The following AMACR variants were observed in gnomAD, a reference collection of about 807,000 sequenced individuals.
AMACR encodes 2-methylacyl-CoA racemase.
Under a neutral mutation model 22.2 loss-of-function variants are expected in AMACR, and 18 were observed. The ratio of observed to expected loss-of-function variants is 0.81; its 90% CI spans 0.56 to 1.20. The LOEUF (loss-of-function observed/expected upper bound fraction) is 1.20. Ranked by LOEUF, AMACR falls within the 50% of genes most tolerant of loss-of-function variation. AMACR has a pLI of 0.00. For missense variants in AMACR, 499 were observed against 490.6 expected (o/e 1.02, Z -0.16); for synonymous variants, 213 against 191.3 (o/e 1.11, Z -0.94).
At chr5:33,990,571 C>T (rs1753443875) in intron 4 of AMACR, among the ~76,000 whole-genome samples, 1 of 152,196 alleles carries the variant, frequency 6.6e-6, no homozygotes, top group Non-Finnish European at 1.5e-5. Context: ...TTTTTCTTCC[C>T]CATATAAGCG....
chr5:33,999,922 A>G (rs1352988538), intron 3 of AMACR, among the ~76,000 whole-genome samples: 4 of 152,112 alleles, frequency 2.6e-5, no homozygotes, highest in Admixed American at 2.6e-4. Flanking sequence ...TTATACACAT[A>G]CACACACACA....
In AMACR at chr5:33,987,698, T is replaced by C. The variant is rs1427959436; in HGVS notation, c.*1395A>G. 1 of 152,226 alleles carries C rather than the reference T, an allele frequency of 6.6e-6. No homozygotes were observed. Among genetic ancestry groups the C allele is most frequent in the African/African-American group, 2.4e-5 (1 of 41,450 alleles). 9.4% of individuals were successfully genotyped at this position (152,226 alleles called of 1,614,324 possible). A position where few individuals can be genotyped will look rare whatever the true frequency, so the allele number is the denominator to read the frequency against. On this transcript the variant is annotated 3_prime_UTR_variant, in exon 5 of 5. Transcript: ENST00000335606. ...ATGAGGGCAGCAGTGTCCAATCTCA[T>C]TCCAGGTGAGAAGTTGCACAGTGTC...
At chr5:33,997,318 G>A (rs199754134) in intron 4 of AMACR, 121 of 774,056 alleles carry the variant, frequency 1.6e-4, no homozygotes, top group South Asian at 1.5e-3. Flanking sequence ...AGCAGCCTGA[G>A]TGTAACATAA....
At chr5:34,000,099 T>G (rs1035813156) in intron 3 of AMACR, among the ~76,000 whole-genome samples, 1 of 152,242 alleles carries the variant, frequency 6.6e-6, no homozygotes, top group African/African-American at 2.4e-5. Flanking sequence ...CCTTCCAATT[T>G]TGCATAAATA....
intron 2 of AMACR, 28 bp from the exon 3 acceptor site, chr5:34,004,762 C>A (rs1579584465): frequency 7.5e-6 from 12 of 1,607,010 alleles, no homozygotes; most frequent in Non-Finnish European, 1.0e-5. Context: ...AATTTAATGT[C>A]TCTTTTAAAT....
At position 33,988,885 on chromosome 5, in the gene AMACR, A is replaced by C; in HGVS notation, c.*208T>G. ...ATAACTACCATAATTTAGTATAAGT[A>C]CCCAAAGTTTTATAAATCAAAAGCC... On this transcript the variant is annotated 3_prime_UTR_variant, in exon 5 of 5. Coordinates refer to ENST00000335606, the MANE Select transcript of AMACR (RefSeq NM_014324.6). 1 of 1,403,308 alleles carries C rather than the reference A, an allele frequency of 7.1e-7. No individual in the cohort carries two copies. The allele number at this position is 1,403,308 out of a possible 1,614,324, so 86.9% of individuals were successfully genotyped here. A position where few individuals can be genotyped will look rare whatever the true frequency, so the allele number is the denominator to read the frequency against.
chr5:33,987,299 A>T lies in AMACR; in HGVS notation c.*1794T>A, dbSNP rs1753321928. The T allele has an allele frequency of 6.6e-6, 1 of 152,322 alleles. No individual in the cohort carries two copies. The highest frequency in any genetic ancestry group is 2.0e-4 in the South Asian group (1 of 4,936). 9.4% of individuals were successfully genotyped at this position (152,322 alleles called of 1,614,324 possible). On this transcript the variant is annotated 3_prime_UTR_variant, in exon 5 of 5. Coordinates refer to ENST00000335606, the MANE Select transcript of AMACR (RefSeq NM_014324.6). ...GGCTGGAAAACATAACCTTATGGGA[A>T]AGTTCCTAAAAATGGTTGAAGAACA...
chr5:33,993,735 C>G (rs759253616), intron 4 of AMACR, among the ~76,000 whole-genome samples: 47 of 152,168 alleles, frequency 3.1e-4, no homozygotes, highest in Middle Eastern at 3.4e-3. Context: ...TCCGTCTCTA[C>G]TAAAAATACA....
chr5:34,004,505 A>G, intron 3 of AMACR, 69 bp downstream of exon 3: 1 of 1,596,230 alleles, frequency 6.3e-7, no homozygotes, highest in African/African-American at 1.3e-5. Context: ...TCTTCAAAAA[A>G]AGGATTTTAA....
chr5:34,005,677 C>T, intron 2 of AMACR, 79 bp downstream of exon 2: 2 of 1,543,382 alleles, frequency 1.3e-6, no homozygotes, highest in South Asian at 2.3e-5. Flanking sequence ...TTTACCTTTA[C>T]AAATTATTGT....
Position 33,987,359 on chromosome 5 carries a change from G to A in AMACR, c.*1734C>T, listed in dbSNP as rs1486475837. On this transcript the variant is annotated 3_prime_UTR_variant, in exon 5 of 5. Coordinates refer to ENST00000335606, the MANE Select transcript of AMACR (RefSeq NM_014324.6). ...GCTAGAATATGAAAGCTTAAATTCT[G>A]ATTCTGCCCCTTCCTAGTTGCATAT... The A allele has an allele frequency of 6.6e-6, 1 of 152,184 alleles. No individual in the cohort carries two copies. Among genetic ancestry groups the A allele is most frequent in the Non-Finnish European group, 1.5e-5 (1 of 68,032 alleles). 9.4% of individuals were successfully genotyped at this position (152,184 alleles called of 1,614,324 possible).
intron 4 of AMACR, among the ~76,000 whole-genome samples, chr5:33,990,976 CA>C (rs1307170658): frequency 6.6e-6 from 1 of 152,226 alleles, no homozygotes; most frequent in Admixed American, 6.5e-5. Context: ...GGATGTCTTT[CA>C]CTTGATGTTC....
At chr5:33,989,582 C>A (rs1314964582) in intron 4 of AMACR, 80 bp from the exon 5 acceptor site, 12 of 1,141,988 alleles carry the variant, frequency 1.1e-5, no homozygotes, top group Non-Finnish European at 1.6e-5. Flanking sequence ...GCTGAGCCCA[C>A]TGTACTATGC....
At position 33,989,215 on chromosome 5, in the gene AMACR, C is replaced by T; in HGVS notation, c.1027G>A (p.Asp343Asn). Residue 343 changes from aspartate (D) to asparagine (N), a missense_variant, in exon 5 of 5, where the codon GAT becomes AAT. Physicochemically the swap from Asp to Asn is conservative, Grantham distance 23 (BLOSUM62 1). Coordinates refer to ENST00000335606, the MANE Select transcript of AMACR (RefSeq NM_014324.6). ...TCAGTGTGTTCTCCTATGAAAGGAT[C>T]CCTTTTGAAAGAAGGGATGGCTGGG... is the stretch of plus-strand genomic sequence containing the variant. ...NTPAIPSFKR[D>N]PFIGEHTEEI... The T allele has an allele frequency of 1.9e-6, 3 of 1,614,132 alleles. No homozygotes were observed. The highest frequency in any genetic ancestry group is 8.5e-7 in the Non-Finnish European group (1 of 1,180,032).
At chr5:33,992,445 C>T (rs943694841) in intron 4 of AMACR, among the ~76,000 whole-genome samples, 8 of 151,730 alleles carry the variant, frequency 5.3e-5, no homozygotes, top group South Asian at 2.1e-4. Context: ...TAGTGGCTCA[C>T]GCCTGTAATC....
In AMACR at chr5:34,007,932, G is replaced by GGTGGTA. The variant is rs1754048627; in HGVS notation, c.87_88insTACCAC (p.Ala29_Arg30insTyrHis). Reference sequence around the variant, plus strand: ...CCGGGCCGGTCCACGCGTACCACACGCGCCCCGAAGTCAGCCAGGACCATA... The same window carrying GGTGGTA: ...CCGGGCCGGTCCACGCGTACCACACGGTGGTACGCCCCGAAGTCAGCCAGGACCATA... On this transcript the variant is annotated inframe_insertion, in exon 1 of 5. Coordinates refer to ENST00000335606, the MANE Select transcript of AMACR (RefSeq NM_014324.6). 6.2e-7 allele frequency: 1 copy of GGTGGTA among 1,610,092 alleles called. No homozygotes were observed. The highest frequency in any genetic ancestry group is 8.5e-7 in the Non-Finnish European group (1 of 1,179,458).
intron 3 of AMACR, 60 bp from the exon 4 acceptor site, chr5:33,998,887 T>C (rs959446259): frequency 6.5e-6 from 10 of 1,530,680 alleles, no homozygotes; most frequent in Middle Eastern, 1.7e-4. Context: ...GCATGAATAA[T>C]TCCTCCCATT....
chr5:33,993,760 G>A (rs253189), intron 4 of AMACR, among the ~76,000 whole-genome samples: 99,220 of 151,638 alleles, frequency 0.65, 32,719 homozygotes, highest in Non-Finnish European at 0.69. Flanking sequence ...TTAGCCGGGC[G>A]TGGTGGTGGG....
intron 4 of AMACR, among the ~76,000 whole-genome samples, chr5:33,996,625 A>C (rs1268881114): frequency 8.5e-6 from 1 of 118,120 alleles, no homozygotes; most frequent in Non-Finnish European, 1.5e-5. Flanking sequence ...ATTTCGACCA[A>C]AAATAAAAAA....
Sources: allele counts gnomAD v4.1 joint callset (sites outside exome capture counted in the v4.1 genomes callset), GRCh38; gene constraint gnomAD v4.1.1; transcripts MANE v1.5; gene names NCBI Gene and HGNC (gene_info 2026-07-23, HGNC 2026-07-21).